SESN2: variants seen among roughly 807,000 people sequenced by gnomAD.
SESN2 encodes sestrin-2.
SESN2 carries 42 observed loss-of-function variants against 56.0 expected under a neutral mutation model. The observed-to-expected ratio is 0.75, with a 90% CI of 0.59 to 0.97. The LOEUF is 0.97. Among genes scored for constraint, SESN2 ranks in the 50% least tolerant of loss-of-function variants. The pLI is 0.00. For missense variants in SESN2, 507 were observed against 649.4 expected, an observed-to-expected ratio of 0.78 and a Z score of 2.38; for synonymous variants, 264 against 267.1, an observed-to-expected ratio of 0.99 and a Z score of 0.11.
chr1:28,270,075 G>A (rs1254606128), intron 2 of SESN2, among the ~76,000 whole-genome samples: 1 of 152,172 alleles, frequency 6.6e-6, no homozygotes, highest in Non-Finnish European at 1.5e-5. Flanking sequence ...TGTTTTGCCG[G>A]CCGCAGTGGC....
intron 8 of SESN2, 67 bp from the exon 9 acceptor site, chr1:28,279,030 G>C: frequency 3.3e-6 from 5 of 1,503,182 alleles, no homozygotes; most frequent in Non-Finnish European, 4.6e-6. Flanking sequence ...TGTAGGGTGG[G>C]GTTGCGGGGA....
rs567875802 is a variant in SESN2, at chr1:28,263,252, C to T, written c.90+3315C>T. ...TTTCTGAGCCTCTCTGACCTGTTTC[C>T]GAAGAAGGGATTATAAGAACTGTTT... is the stretch of plus-strand genomic sequence containing the variant. On this transcript the variant is annotated intron_variant, in intron 1 of 9. Coordinates refer to ENST00000253063, the MANE Select transcript of SESN2 (RefSeq NM_031459.5). 9.2e-5 allele frequency among the ~76,000 whole-genome samples: 14 copies of T among 152,200 alleles called. 1 individual carries two copies. In the South Asian group the frequency reaches 2.1e-3, roughly 23 times the overall value.
intron 1 of SESN2, among the ~76,000 whole-genome samples, chr1:28,268,821 A>G (rs1647648592): frequency 6.6e-6 from 1 of 152,222 alleles, no homozygotes; most frequent in Non-Finnish European, 1.5e-5. Flanking sequence ...ACCTGGCTTC[A>G]GGGTGCAAAC....
At chr1:28,279,492 A>T (rs1407148330) in intron 9 of SESN2, among the ~76,000 whole-genome samples, 1 of 152,086 alleles carries the variant, frequency 6.6e-6, no homozygotes, top group East Asian at 1.9e-4. Context: ...TCAAATCATA[A>T]CACTATCTCT....
intron 1 of SESN2, among the ~76,000 whole-genome samples, chr1:28,266,556 C>CTTTTTTTT (rs71586835): frequency 8.5e-6 from 1 of 117,000 alleles, no homozygotes; most frequent in Non-Finnish European, 1.7e-5. Flanking sequence ...AGAGCCCCAT[C>CTTTTTTTT]TTTTTTTTTT....
chr1:28,272,331 C>A lies in SESN2; in HGVS notation c.402C>A (p.Ala134=). 6.2e-7 allele frequency: 1 copy of A among 1,614,092 alleles called. No individual in the cohort carries two copies. Among genetic ancestry groups the A allele is most frequent in the Non-Finnish European group, 8.5e-7 (1 of 1,180,010 alleles). The stretch of plus-strand genomic sequence containing the variant: ...CTTACCTGGTAGGCTCCCACATGGC[C>A]GAGTTTCTGCAGACTGGTGGTGACC... ...QCSYLVGSHM[A]EFLQTGGDPE... Residue 134 remains alanine (A), a synonymous_variant, in exon 4 of 10, where the codon GCC becomes GCA. Coordinates refer to ENST00000253063, the MANE Select transcript of SESN2 (RefSeq NM_031459.5).
intron 1 of SESN2, among the ~76,000 whole-genome samples, chr1:28,262,899 G>A (rs6704371): frequency 0.011 from 1,633 of 152,340 alleles, 7 homozygotes; most frequent in Non-Finnish European, 0.019. Flanking sequence ...CTGTACTCCA[G>A]CCTGGGTGAC....
intron 1 of SESN2, among the ~76,000 whole-genome samples, chr1:28,266,878 ATTG>A (rs573511235): frequency 2.0e-4 from 31 of 151,968 alleles, no homozygotes; most frequent in Admixed American, 3.9e-4. Context: ...TGCATTGTAT[ATTG>A]TTGTTGTTGT....
intron 6 of SESN2, 68 bp downstream of exon 6, chr1:28,273,576 C>G: frequency 7.3e-7 from 1 of 1,364,502 alleles, no homozygotes; most frequent in Non-Finnish European, 9.8e-7. Flanking sequence ...TGAGGAGGAG[C>G]CACCTCCTGC....
Position 28,274,898 on chromosome 1 carries a change from A to C in SESN2, c.1094A>C (p.Glu365Ala). 1 of 1,614,194 alleles carries C rather than the reference A, an allele frequency of 6.2e-7. No individual in the cohort carries two copies. The highest frequency in any genetic ancestry group is 1.3e-5 in the African/African-American group (1 of 75,066). ...CCTGAGGGTGGGCAGCTGCTGGATGAGAAGTTCCAGGCAGCCTATAGCCTC... is the reference window on the plus strand; with the variant it reads ...CCTGAGGGTGGGCAGCTGCTGGATGCGAAGTTCCAGGCAGCCTATAGCCTC... ...LYPEGGQLLD[E>A]KFQAAYSLTY... The change falls in exon 8 of 10, where the codon GAG becomes GCG. Residue 365 changes from glutamate to alanine, a missense_variant. Transcript: ENST00000253063.
At chr1:28,272,012 G>T (rs1647796518) in intron 3 of SESN2, 141 bp downstream of exon 3, 4 of 911,002 alleles carry the variant, frequency 4.4e-6, no homozygotes, top group Non-Finnish European at 6.5e-6. Context: ...AGAGTTTTGG[G>T]TTTTTTGTTT....
intron 1 of SESN2, among the ~76,000 whole-genome samples, 196 bp downstream of exon 1, chr1:28,260,133 TTCTCCCCCTCCC>T (rs985550033): frequency 3.3e-5 from 3 of 90,148 alleles, no homozygotes; most frequent in African/African-American, 8.5e-5. Flanking sequence ...CTCTCCCTCC[TTCTCCCCCTCCC>T]TCTCCCCCTC....
intron 1 of SESN2, among the ~76,000 whole-genome samples, chr1:28,266,796 G>A (rs1311636787): frequency 6.6e-6 from 1 of 152,082 alleles, no homozygotes; most frequent in African/African-American, 2.4e-5. Flanking sequence ...GGCCTCAAGC[G>A]ATCCTCTTGC....
At chr1:28,261,929 C>T (rs1039952129) in intron 1 of SESN2, among the ~76,000 whole-genome samples, 6 of 151,820 alleles carry the variant, frequency 4.0e-5, no homozygotes, top group East Asian at 1.9e-4. Flanking sequence ...TACAGGCACC[C>T]GCCACCATGC....
At chr1:28,269,093 G>GC (rs1647663834) in intron 1 of SESN2, 90 bp from the exon 2 acceptor site, 1 of 892,534 alleles carries the variant, frequency 1.1e-6, no homozygotes, top group South Asian at 1.6e-5. Flanking sequence ...CTTCAGTGTA[G>GC]CCCCTTGGAT....
At chr1:28,270,718 A>G (rs1396174264) in intron 2 of SESN2, among the ~76,000 whole-genome samples, 5 of 152,110 alleles carry the variant, frequency 3.3e-5, no homozygotes, top group Non-Finnish European at 7.4e-5. Context: ...GATTACAGGC[A>G]TGAGCCACCA....
intron 7 of SESN2, 28 bp from the exon 8 acceptor site, chr1:28,274,797 C>T (rs779480206): frequency 1.3e-6 from 2 of 1,573,280 alleles, no homozygotes; most frequent in Admixed American, 1.7e-5. Context: ...GCTCCAAAGA[C>T]TCACCAATCC....
At chr1:28,276,788 A>G (rs1025293473) in intron 8 of SESN2, among the ~76,000 whole-genome samples, 2 of 150,728 alleles carry the variant, frequency 1.3e-5, no homozygotes, top group Non-Finnish European at 3.0e-5. Flanking sequence ...CATGTTGGCC[A>G]GGCTGGTCTC....
intron 8 of SESN2, among the ~76,000 whole-genome samples, chr1:28,275,832 T>A (rs374783255): frequency 6.6e-6 from 1 of 151,974 alleles, no homozygotes; most frequent in Non-Finnish European, 1.5e-5. Flanking sequence ...TGTGAAAAGA[T>A]TGCTTGAGAC....
Sources: gnomAD v4.1 joint callset for allele counts (sites outside exome capture counted in the v4.1 genomes callset) on GRCh38, gnomAD v4.1.1 for gene constraint, MANE v1.5 for transcripts, NCBI Gene and HGNC (gene_info 2026-07-23, HGNC 2026-07-21) for gene names.